NHS: variants seen among roughly 807,000 people sequenced by gnomAD.
The protein encoded by NHS is actin remodeling regulator NHS.
NHS carries 5 observed loss-of-function variants against 72.5 expected under a neutral mutation model. The observed-to-expected ratio is 0.07, with a 90% CI of 0.04 to 0.14. The LOEUF (loss-of-function observed/expected upper bound fraction) is 0.14, where lower values mean the gene tolerates loss of function less well. Ranked by LOEUF, NHS falls within the 10% of genes least tolerant of loss-of-function variation. The pLI, the probability that NHS is intolerant of heterozygous loss-of-function variation, is 1.00. For missense variants in NHS, 1,072 were observed against 1,355.7 expected (o/e 0.79, Z 3.29); for synonymous variants, 464 against 547.7 (o/e 0.85, Z 2.13).
intron 1 of NHS, among the ~76,000 whole-genome samples, chrX:17,653,254 G>T (rs1465136173): frequency 9.0e-6 from 1 of 111,394 alleles, no homozygotes; most frequent in Non-Finnish European, 1.9e-5. Context: ...TATAAATTAG[G>T]TATTCTTATT....
chrX:17,702,464 C>G (rs1254566999), intron 3 of NHS, among the ~76,000 whole-genome samples: 2 of 111,647 alleles, frequency 1.8e-5, no homozygotes, highest in Non-Finnish European at 3.8e-5. Context: ...AGGCGGATCA[C>G]TTGAGGTCAG....
rs1353749201 is a variant in NHS, at chrX:17,375,249, C to T, written c.-509C>T. On this transcript the variant is annotated 5_prime_UTR_variant, in exon 1 of 9. Transcript: ENST00000676302. ...CCCGCCCAGCCAGGGAGAGAGATCC[C>T]GGGCGCAATCGCTCCCCGGAGCGGC... Among the ~76,000 whole-genome samples the T allele has an allele frequency of 5.3e-5, 6 of 112,233 alleles. No individual in the cohort carries two copies. The highest frequency in any genetic ancestry group is 1.1e-4 in the Non-Finnish European group (6 of 53,042).
At chrX:17,611,130 A>C (rs1433057814) in intron 1 of NHS, among the ~76,000 whole-genome samples, 1 of 112,634 alleles carries the variant, frequency 8.9e-6, no homozygotes, top group Non-Finnish European at 1.9e-5. Context: ...AGGCAGATAA[A>C]AGCAAAATGC....
chrX:17,429,252 G>A (rs1041375256), intron 1 of NHS, among the ~76,000 whole-genome samples: 1 of 108,658 alleles, frequency 9.2e-6, no homozygotes, highest in Non-Finnish European at 1.9e-5. Flanking sequence ...GTGTGTGTGT[G>A]TGTGTGCACA....
intron 1 of NHS, among the ~76,000 whole-genome samples, chrX:17,384,340 T>C (rs756527887): frequency 6.2e-5 from 7 of 112,460 alleles, no homozygotes; most frequent in Non-Finnish European, 1.3e-4. Flanking sequence ...TGAAAGCTGC[T>C]TTGAAACCCA....
At chrX:17,573,655 C>T (rs974232863) in intron 1 of NHS, among the ~76,000 whole-genome samples, 8 of 110,091 alleles carry the variant, frequency 7.3e-5, no homozygotes, top group African/African-American at 2.6e-4. Context: ...AGTTTATTAC[C>T]GACCTTCTGA....
At chrX:17,537,659 T>C (rs941852043) in intron 1 of NHS, among the ~76,000 whole-genome samples, 2 of 112,278 alleles carry the variant, frequency 1.8e-5, no homozygotes, top group African/African-American at 6.5e-5. Flanking sequence ...GTGTCTGGCC[T>C]AGCAGTGACA....
intron 1 of NHS, among the ~76,000 whole-genome samples, chrX:17,477,237 C>T (rs1005350308): frequency 9.0e-6 from 1 of 111,629 alleles, no homozygotes; most frequent in African/African-American, 3.3e-5. Context: ...GAAAGCCTCA[C>T]GGAGAAGTGG....
chrX:17,638,947 AAC>A (rs2065865383), intron 1 of NHS, among the ~76,000 whole-genome samples: 1 of 111,811 alleles, frequency 8.9e-6, no homozygotes, highest in South Asian at 3.8e-4. Context: ...ATGAAATACC[AAC>A]AGTGTGCCTA....
chrX:17,503,915 C>T (rs2065045969), intron 1 of NHS, among the ~76,000 whole-genome samples: 1 of 111,286 alleles, frequency 9.0e-6, no homozygotes, highest in Non-Finnish European at 1.9e-5. Context: ...AATTGACTTC[C>T]CAAAGCACAT....
chrX:17,731,747 G>A, intron 8 of NHS, 111 bp from the exon 9 acceptor site: 1 of 998,318 alleles, frequency 1.0e-6, no homozygotes, highest in Non-Finnish European at 1.4e-6. Flanking sequence ...CATCATATAG[G>A]ACAGGCTCAA....
At chrX:17,537,283 C>G (rs976419087) in intron 1 of NHS, among the ~76,000 whole-genome samples, 6 of 112,019 alleles carry the variant, frequency 5.4e-5, no homozygotes, top group African/African-American at 2.0e-4. Context: ...AGAGCTTTAT[C>G]TTTAAATGTG....
intron 1 of NHS, among the ~76,000 whole-genome samples, chrX:17,510,750 C>T (rs1445028931): frequency 8.9e-6 from 1 of 112,354 alleles, no homozygotes; most frequent in Non-Finnish European, 1.9e-5. Context: ...CCTTATTACT[C>T]TGACATTTTA....
intron 1 of NHS, among the ~76,000 whole-genome samples, chrX:17,612,365 C>T (rs1274319765): frequency 9.1e-6 from 1 of 110,377 alleles, no homozygotes. Flanking sequence ...TCCTCCCACA[C>T]TCCCACTTCC....
intron 1 of NHS, among the ~76,000 whole-genome samples, chrX:17,459,939 A>C (rs771729981): frequency 4.2e-4 from 47 of 112,190 alleles, no homozygotes; most frequent in Non-Finnish European, 7.9e-4. Flanking sequence ...GGCATTTAAT[A>C]CACTGCATAG....
At chrX:17,470,368 G>A (rs1463827707) in intron 1 of NHS, among the ~76,000 whole-genome samples, 1 of 111,423 alleles carries the variant, frequency 9.0e-6, no homozygotes. Context: ...GGTGACAGTG[G>A]TTTACTCTTT....
intron 1 of NHS, among the ~76,000 whole-genome samples, chrX:17,526,619 G>A (rs1965173670): frequency 1.8e-5 from 2 of 112,054 alleles, no homozygotes; most frequent in South Asian, 7.6e-4. Flanking sequence ...GGGAGATACC[G>A]AAAGGGGAAT....
chrX:17,635,360 C>G lies in NHS; in HGVS notation c.566-52382C>G. On this transcript the variant is annotated intron_variant, in intron 1 of 8. Transcript: ENST00000676302. Reference sequence around the variant, plus strand: ...GCCTAGCACTTGGGTGAGACCATCTCCCCCTCCAGGGGGGAGTCCTAGATG... The same window carrying G: ...GCCTAGCACTTGGGTGAGACCATCTGCCCCTCCAGGGGGGAGTCCTAGATG... 2.7e-6 allele frequency: 3 copies of G among 1,117,115 alleles called. 1 individual carries two copies. Among genetic ancestry groups the G allele is most frequent in the Non-Finnish European group, 3.5e-6 (3 of 850,574 alleles). The allele number at this position is 1,117,115 out of a possible 1,213,427, so 92.1% of individuals were successfully genotyped here. A position where few individuals can be genotyped will look rare whatever the true frequency, so the allele number is the denominator to read the frequency against.
At chrX:17,604,228 T>TCACA (rs59367930) in intron 1 of NHS, among the ~76,000 whole-genome samples, 2,005 of 92,233 alleles carry the variant, frequency 0.022, 48 homozygotes, top group African/African-American at 0.06. Context: ...TATTAATAGA[T>TCACA]CACACACACA....
Sources: allele counts gnomAD v4.1 joint callset (sites outside exome capture counted in the v4.1 genomes callset), GRCh38; gene constraint gnomAD v4.1.1; transcripts MANE v1.5; gene names NCBI Gene and HGNC (gene_info 2026-07-23, HGNC 2026-07-21).